The following RANBP10 variants were observed in gnomAD, a reference collection of about 807,000 sequenced individuals.
The protein encoded by RANBP10 is ran-binding protein 10.
In RANBP10, 24 loss-of-function variants were observed where a neutral mutation model predicts 72.8. The observed-to-expected ratio is 0.33, with a 90% CI of 0.24 to 0.46. The LOEUF (loss-of-function observed/expected upper bound fraction) is 0.46, where lower values mean the gene tolerates loss of function less well. Ranked by LOEUF, RANBP10 falls within the 20% of genes least tolerant of loss-of-function variation. The pLI, the probability that RANBP10 is intolerant of heterozygous loss-of-function variation, is 1.00. For synonymous variants in RANBP10, 310 were observed against 322.3 expected, an observed-to-expected ratio of 0.96 and a Z score of 0.41; for missense variants, 679 against 817.5, an observed-to-expected ratio of 0.83 and a Z score of 2.07.
chr16:67,772,057 C>G lies in RANBP10; in HGVS notation c.377G>C (p.Gly126Ala). Reference sequence around the variant, plus strand: ...ACCAGGAAGTCTGTTCATGTTGACGCCTTGAGCCGAGAGTCCTATTCCCAT... The same window carrying G: ...ACCAGGAAGTCTGTTCATGTTGACGGCTTGAGCCGAGAGTCCTATTCCCAT... ...GYMGIGLSAQ[G>A]VNMNRLPGWD... Residue 126 changes from glycine to alanine, a missense_variant, in exon 3 of 14, where the codon GGC becomes GCC. Gly to Ala is a moderately conservative substitution (Grantham distance 60). Transcript: ENST00000317506. The G allele has an allele frequency of 6.2e-7, 1 of 1,608,980 alleles. No individual in the cohort carries two copies. Among genetic ancestry groups the G allele is most frequent in the Admixed American group, 1.7e-5 (1 of 59,308 alleles).
rs2053715390 is a variant in RANBP10, at chr16:67,730,808, A to G, written c.889+664T>C. 6.6e-6 allele frequency among the ~76,000 whole-genome samples: 1 copy of G among 152,046 alleles called. No individual in the cohort carries two copies. Among genetic ancestry groups the G allele is most frequent in the Admixed American group, 6.5e-5 (1 of 15,270 alleles). The stretch of plus-strand genomic sequence containing the variant: ...GAGAGGGGTAGGCAGGCACTCACAG[A>G]CACGCATATCCACACCCACTTGCCC... On this transcript the variant is annotated intron_variant, in intron 7 of 13. Transcript: ENST00000317506. This position sits in a 1 kb window ranked among gnomAD's most constrained non-coding sequence, Gnocchi z 4.3.
chr16:67,805,361 G>T, intron 2 of RANBP10, 67 bp downstream of exon 2: 1 of 1,418,560 alleles, frequency 7.0e-7, no homozygotes, highest in Non-Finnish European at 9.8e-7. Flanking sequence ...CCAGCCAAAG[G>T]ACCTGAACTC....
rs1286494045 is a variant in RANBP10 at position 67,806,385 on chromosome 16, G to C, written c.152C>G (p.Thr51Ser). The change falls in exon 1 of 14, where the codon ACT (threonine) becomes AGT (serine). Residue 51 changes from threonine (T) to serine (S), a missense_variant. Coordinates refer to ENST00000317506, the MANE Select transcript of RANBP10 (RefSeq NM_020850.3). ...RLYPAVNQQETPLPRSWSPKD... is the reference protein window; with the variant it reads ...RLYPAVNQQESPLPRSWSPKD... ...GGGGCTCCAGGAGCGCGGCAGCGGA[G>C]TCTCTTGCTGGTTGACCGCGGGATA... 6 of 1,611,766 alleles carry C rather than the reference G, an allele frequency of 3.7e-6. No individual in the cohort carries two copies. The Admixed American group carries it at 1.0e-4, about 27-fold the overall frequency.
chr16:67,731,912 T>A (rs988831269), intron 6 of RANBP10, among the ~76,000 whole-genome samples: 10 of 152,170 alleles, frequency 6.6e-5, no homozygotes, highest in Non-Finnish European at 1.5e-4. Flanking sequence ...TCCTCACAGG[T>A]GGCTGCCTCT....
At chr16:67,792,536 T>C (rs1478828703) in intron 2 of RANBP10, among the ~76,000 whole-genome samples, 1 of 147,396 alleles carries the variant, frequency 6.8e-6, no homozygotes, top group Non-Finnish European at 1.5e-5. Context: ...CAGTCCAGCC[T>C]GGGTGACAGA....
chr16:67,742,088 TA>T (rs1305366839), intron 4 of RANBP10, among the ~76,000 whole-genome samples: 3 of 151,728 alleles, frequency 2.0e-5, no homozygotes, highest in Non-Finnish European at 4.4e-5. Context: ...TTTTTTTTTT[TA>T]ATATAGGGAC....
intron 3 of RANBP10, among the ~76,000 whole-genome samples, chr16:67,769,389 A>T (rs1486603455): frequency 7.4e-6 from 1 of 134,702 alleles, no homozygotes; most frequent in Admixed American, 8.7e-5. Flanking sequence ...GACTGCAGTG[A>T]GCAGTGTTTG....
intron 1 of RANBP10, 51 bp downstream of exon 1, chr16:67,806,251 C>T: frequency 1.3e-6 from 2 of 1,502,244 alleles, no homozygotes; most frequent in African/African-American, 1.4e-5. Flanking sequence ...GCAGCAGAGC[C>T]ACCCCACGGA....
chr16:67,765,452 G>A (rs546390621), intron 3 of RANBP10, among the ~76,000 whole-genome samples: 2 of 152,162 alleles, frequency 1.3e-5, no homozygotes, highest in East Asian at 3.9e-4. Context: ...CTTGAACCCG[G>A]GAGGCGAAGG....
rs61683439 is a variant in RANBP10 at position 67,785,731 on chromosome 16, C to CAAA, written c.348-13648_348-13646dup. On this transcript the variant is annotated intron_variant, in intron 2 of 13. Coordinates refer to ENST00000317506, the MANE Select transcript of RANBP10 (RefSeq NM_020850.3). ...AAACAGAGTGAGTGAGACTCCATCT[C>CAAA]AAAAAAAAAAAAAAAGCCAGGCACA... Among the ~76,000 whole-genome samples, 16 of 71,782 alleles carry CAAA rather than the reference C, an allele frequency of 2.2e-4. 2 individuals carry two copies. Among genetic ancestry groups the CAAA allele is most frequent in the South Asian group, 8.3e-4 (2 of 2,402 alleles). 47.1% of individuals were successfully genotyped at this position (71,782 alleles called of 152,430 possible). A position where few individuals can be genotyped will look rare whatever the true frequency, so the allele number is the denominator to read the frequency against.
At chr16:67,801,827 G>C (rs2055238902) in intron 2 of RANBP10, among the ~76,000 whole-genome samples, 1 of 152,036 alleles carries the variant, frequency 6.6e-6, no homozygotes, top group African/African-American at 2.4e-5. Context: ...GGGCATGGTG[G>C]CTCATGACTA....
chr16:67,759,191 C>A (rs2054347453), intron 3 of RANBP10, among the ~76,000 whole-genome samples: 1 of 152,232 alleles, frequency 6.6e-6, no homozygotes, highest in Admixed American at 6.5e-5. Flanking sequence ...ACTACAAGGC[C>A]TGGGACGTCT....
chr16:67,773,043 G>A (rs554452608), intron 2 of RANBP10, among the ~76,000 whole-genome samples: 6 of 152,328 alleles, frequency 3.9e-5, no homozygotes, highest in African/African-American at 1.4e-4. Context: ...TGGGGGGCCA[G>A]GGTAGAATGA....
chr16:67,743,720 T>C (rs1490457340), intron 4 of RANBP10, among the ~76,000 whole-genome samples: 2 of 152,118 alleles, frequency 1.3e-5, no homozygotes, highest in African/African-American at 4.8e-5. Flanking sequence ...CCCACTGCCT[T>C]ACCTCAGGCC....
intron 4 of RANBP10, among the ~76,000 whole-genome samples, chr16:67,743,424 A>T (rs1415274904): frequency 7.9e-5 from 12 of 152,114 alleles, no homozygotes; most frequent in Admixed American, 7.9e-4. Flanking sequence ...CCTCAGGGCC[A>T]ATGTGGCCAA....
chr16:67,729,353 T>C lies in RANBP10; in HGVS notation c.1279A>G (p.Asn427Asp). ...TCTGTTGAGTTGGACTCGGAGTAAT[T>C]GACGGAGGATGGGGAAGAGGACGAG... The part of the protein sequence containing the change: ...SSSSSSPSSV[N>D]YSESNSTDST... The change falls in exon 10 of 14, where the codon AAT (asparagine) becomes GAT (aspartate). Residue 427 changes from asparagine (N) to aspartate (D), a missense_variant. Physicochemically the swap from Asn to Asp is conservative, Grantham distance 23. Coordinates refer to ENST00000317506, the MANE Select transcript of RANBP10 (RefSeq NM_020850.3). The surrounding 1 kb of genome is among the most constrained non-coding windows in gnomAD (Gnocchi z 7.1). 6.2e-7 allele frequency: 1 copy of C among 1,612,448 alleles called. No individual in the cohort carries two copies. Among genetic ancestry groups the C allele is most frequent in the South Asian group, 1.1e-5 (1 of 90,992 alleles).
chr16:67,772,070 G>A lies in RANBP10; in HGVS notation c.364C>T (p.Leu122Phe). Residue 122 changes from leucine to phenylalanine, a missense_variant, in exon 3 of 14, where the codon CTC becomes TTC. Physicochemically the swap from Leu to Phe is conservative, Grantham distance 22 (BLOSUM62 0). Transcript: ENST00000317506. ...TTCATGTTGACGCCTTGAGCCGAGA[G>A]TCCTATTCCCATGTAACTTCAAAAA... ...KGRDGYMGIG[L>F]SAQGVNMNRL... 1.4e-6 allele frequency: 2 copies of A among 1,453,824 alleles called. No individual in the cohort carries two copies. The highest frequency in any genetic ancestry group is 9.4e-7 in the Non-Finnish European group (1 of 1,059,458). The allele number at this position is 1,453,824 out of a possible 1,614,324, so 90.1% of individuals were successfully genotyped here.
intron 2 of RANBP10, among the ~76,000 whole-genome samples, chr16:67,789,471 A>G (rs1474668981): frequency 6.7e-6 from 1 of 149,534 alleles, no homozygotes; most frequent in African/African-American, 2.5e-5. Flanking sequence ...GAACAAGACC[A>G]TATTTCTTTT....
chr16:67,804,473 C>T (rs895608097), intron 2 of RANBP10, among the ~76,000 whole-genome samples: 1 of 151,928 alleles, frequency 6.6e-6, no homozygotes, highest in East Asian at 1.9e-4. Flanking sequence ...GCAATCTCAG[C>T]TCACTACAAC....
Sources: gnomAD v4.1 joint callset for allele counts (sites outside exome capture counted in the v4.1 genomes callset) on GRCh38, gnomAD v4.1.1 for gene constraint, Gnocchi (gnomAD v3.1) non-coding constraint, MANE v1.5 for transcripts, NCBI Gene and HGNC (gene_info 2026-07-23, HGNC 2026-07-21) for gene names.